Variants in AGBL1 observed in about 807,000 individuals in gnomAD.
AGBL1 encodes the protein cytosolic carboxypeptidase 4.
AGBL1 carries 130 observed loss-of-function variants against 118.9 expected under a neutral mutation model. The observed-to-expected ratio is 1.09, with a 90% confidence interval of 0.95 to 1.26. The LOEUF (loss-of-function observed/expected upper bound fraction) is 1.26, where lower values mean the gene tolerates loss of function less well. Among genes scored for constraint, AGBL1 ranks in the 50% most tolerant of loss-of-function variants. The pLI is 0.00. For synonymous variants in AGBL1, 555 were observed against 478.9 expected, an observed-to-expected ratio of 1.16 and a Z score of -2.08; for missense variants, 1,584 against 1,298.1, an observed-to-expected ratio of 1.22 and a Z score of -3.38.
At chr15:86,258,062 G>A (rs763302503) in intron 9 of AGBL1, 31 bp downstream of exon 9, 22 of 1,598,346 alleles carry the variant, frequency 1.4e-5, no homozygotes, top group Middle Eastern at 3.3e-4. Context: ...TTCTAATGAT[G>A]TCCATAGTCA....
chr15:86,925,683 C>CTTTTCTTT (rs1158239383), intron 23 of AGBL1, among the ~76,000 whole-genome samples: 2 of 143,624 alleles, frequency 1.4e-5, no homozygotes, highest in East Asian at 4.1e-4. Flanking sequence ...TTCTTTTCTT[C>CTTTTCTTT]TTTTCTTTTT....
At chr15:86,763,870 G>C (rs2141276167) in intron 22 of AGBL1, among the ~76,000 whole-genome samples, 1 of 152,104 alleles carries the variant, frequency 6.6e-6, no homozygotes, top group East Asian at 1.9e-4. Flanking sequence ...AATATTTATG[G>C]AATAGTTGAG....
intron 22 of AGBL1, among the ~76,000 whole-genome samples, chr15:86,877,521 C>T (rs2079827146): frequency 1.3e-5 from 2 of 152,164 alleles, no homozygotes; most frequent in South Asian, 2.1e-4. Flanking sequence ...GGAATCTCTC[C>T]TTCCTGTTAC....
At chr15:86,253,535 C>T (rs924240084) in intron 7 of AGBL1, among the ~76,000 whole-genome samples, 4 of 152,012 alleles carry the variant, frequency 2.6e-5, no homozygotes, top group Admixed American at 6.6e-5. Flanking sequence ...AGGCGTGAGG[C>T]ACCATGCCTG....
At chr15:86,233,757 CTCA>C (rs923763923) in intron 6 of AGBL1, among the ~76,000 whole-genome samples, 2 of 152,200 alleles carry the variant, frequency 1.3e-5, no homozygotes, top group Admixed American at 6.5e-5. Flanking sequence ...AAATATTGTT[CTCA>C]TCCTCCAGCC....
At chr15:86,979,886 C>A (rs979447282) in intron 23 of AGBL1, among the ~76,000 whole-genome samples, 2 of 152,096 alleles carry the variant, frequency 1.3e-5, no homozygotes, top group African/African-American at 4.8e-5. Flanking sequence ...TCACTGTTTC[C>A]CTTTCCCATC....
rs141751810 is a variant in AGBL1, at chr15:86,671,267, T to TAAAC, written c.2995-2988_2995-2985dup. Among the ~76,000 whole-genome samples the TAAAC allele has an allele frequency of 7.1e-3, 1,078 of 152,256 alleles. 9 individuals are homozygous for TAAAC. The highest frequency in any genetic ancestry group is 0.022 in the East Asian group (114 of 5,172). Reference sequence around the variant, plus strand: ...ATAGCAACCACCTTGCAATCAGATTTAAACAAACAAACAAACAAACAGGAG... The same window carrying TAAAC: ...ATAGCAACCACCTTGCAATCAGATTTAAACAAACAAACAAACAAACAAACAGGAG... On this transcript the variant is annotated intron_variant, in intron 21 of 22. Coordinates refer to ENST00000614907, the MANE Select transcript of AGBL1 (RefSeq NM_001386094.1).
intron 22 of AGBL1, among the ~76,000 whole-genome samples, chr15:86,744,991 C>T (rs1011072319): frequency 8.6e-5 from 13 of 152,022 alleles, no homozygotes; most frequent in East Asian, 1.9e-4. Context: ...GGGCTAAAAG[C>T]GGGGCCAGGA....
chr15:86,372,987 C>T (rs183492523), intron 17 of AGBL1, among the ~76,000 whole-genome samples: 26 of 152,336 alleles, frequency 1.7e-4, no homozygotes, highest in Admixed American at 5.9e-4. Context: ...AACCCTGTAA[C>T]CCCTCCTTTT....
chr15:86,927,433 A>T (rs3890618), intron 23 of AGBL1, among the ~76,000 whole-genome samples: 6,423 of 151,634 alleles, frequency 0.042, 267 homozygotes, highest in South Asian at 0.19. Context: ...TACAAAAAAA[A>T]AAAATAGCCA....
intron 22 of AGBL1, among the ~76,000 whole-genome samples, chr15:86,771,168 A>G (rs1466557763): frequency 6.6e-6 from 1 of 152,044 alleles, no homozygotes; most frequent in Non-Finnish European, 1.5e-5. Context: ...AGCAGAGACT[A>G]AGTTGTTATG....
chr15:86,721,544 A>G (rs2086721248), intron 22 of AGBL1, among the ~76,000 whole-genome samples: 4 of 152,232 alleles, frequency 2.6e-5, no homozygotes, highest in Admixed American at 2.6e-4. Context: ...CCCACAGCCA[A>G]TATCATACTG....
At chr15:86,624,700 A>G (rs1208162553) in intron 21 of AGBL1, among the ~76,000 whole-genome samples, 1 of 152,208 alleles carries the variant, frequency 6.6e-6, no homozygotes, top group East Asian at 1.9e-4. Flanking sequence ...GCAAATGCCC[A>G]GTGCACTCTT....
At chr15:86,207,078 C>T (rs1048102431) in intron 5 of AGBL1, among the ~76,000 whole-genome samples, 6 of 152,108 alleles carry the variant, frequency 3.9e-5, no homozygotes, top group Admixed American at 6.5e-5. Flanking sequence ...ATCCTTTCCC[C>T]GTTTCTTGTT....
At chr15:86,471,810 T>A (rs1382759657) in intron 18 of AGBL1, among the ~76,000 whole-genome samples, 1 of 152,196 alleles carries the variant, frequency 6.6e-6, no homozygotes, top group East Asian at 1.9e-4. Flanking sequence ...GGTCGAATGG[T>A]GACCTCCAAA....
intron 5 of AGBL1, among the ~76,000 whole-genome samples, chr15:86,219,783 T>C (rs35398461): frequency 0.32 from 49,275 of 151,646 alleles, 8,166 homozygotes; most frequent in South Asian, 0.42. Flanking sequence ...CTTGCACCAG[T>C]CATCTAACCT....
At position 86,909,016 on chromosome 15, in the gene AGBL1, G is replaced by T. The variant is rs1007397789; in HGVS notation, c.*1722G>T. The T allele has an allele frequency of 4.6e-5, 7 of 152,180 alleles. No homozygotes were observed. The highest frequency in any genetic ancestry group is 1.7e-4 in the African/African-American group (7 of 41,456). 9.4% of individuals were successfully genotyped at this position (152,180 alleles called of 1,614,324 possible). A position where few individuals can be genotyped will look rare whatever the true frequency, so the allele number is the denominator to read the frequency against. ...CTCTACTGTGTGTGCTTCTACTCTT[G>T]GTCTAGAATGGCTGCTGAAGCATCA... On this transcript the variant is annotated 3_prime_UTR_variant, in exon 23 of 23. Coordinates refer to ENST00000614907, the MANE Select transcript of AGBL1 (RefSeq NM_001386094.1).
intron 18 of AGBL1, among the ~76,000 whole-genome samples, chr15:86,490,477 T>C (rs548119622): frequency 5.3e-5 from 8 of 152,236 alleles, no homozygotes; most frequent in African/African-American, 1.7e-4. Flanking sequence ...ATGAGATATC[T>C]GGTTAGTTGT....
intron 22 of AGBL1, among the ~76,000 whole-genome samples, chr15:86,697,427 T>G (rs1215093067): frequency 1.3e-5 from 2 of 151,892 alleles, no homozygotes; most frequent in Non-Finnish European, 2.9e-5. Context: ...CTAAGTGTGT[T>G]CTTTATTTCC....
Sources: gnomAD v4.1 joint callset for allele counts (sites outside exome capture counted in the v4.1 genomes callset) on GRCh38, gnomAD v4.1.1 for gene constraint, MANE v1.5 for transcripts, NCBI Gene and HGNC (gene_info 2026-07-23, HGNC 2026-07-21) for gene names.